ART3: variants seen among roughly 807,000 people sequenced by gnomAD.
ART3 encodes ADP-ribosyltransferase 3 (inactive).
Under a neutral mutation model 48.5 loss-of-function variants are expected in ART3, and 49 were observed. That is an observed-to-expected ratio of 1.01 (90% CI 0.80 to 1.28). ART3 has a LOEUF of 1.28. Among genes scored for constraint, ART3 ranks in the 50% most tolerant of loss-of-function variants. ART3 has a pLI of 0.00. For missense variants in ART3, 438 were observed against 454.3 expected, an observed-to-expected ratio of 0.96 and a Z score of 0.33; for synonymous variants, 145 against 157.2, an observed-to-expected ratio of 0.92 and a Z score of 0.58.
intron 1 of ART3, chr4:76,035,815 C>T: frequency 2.1e-6 from 2 of 932,784 alleles, no homozygotes; most frequent in South Asian, 1.6e-5. Context: ...AACTTCTAAT[C>T]TGTGAGATTA....
intron 1 of ART3, among the ~76,000 whole-genome samples, chr4:76,054,124 G>A (rs868561138): frequency 2.0e-5 from 3 of 152,182 alleles, no homozygotes; most frequent in Non-Finnish European, 1.5e-5. Context: ...TTAGTTTATT[G>A]CTTCTGCTAC....
intron 1 of ART3, among the ~76,000 whole-genome samples, chr4:76,051,576 A>G (rs1736090820): frequency 1.3e-5 from 2 of 152,168 alleles, no homozygotes; most frequent in African/African-American, 4.8e-5. Context: ...GACCTGCTCT[A>G]TCGCCCAGGC....
chr4:76,061,900 G>A (rs891681388), intron 1 of ART3, among the ~76,000 whole-genome samples: 1 of 152,232 alleles, frequency 6.6e-6, no homozygotes, highest in Non-Finnish European at 1.5e-5. Context: ...AATAAGAATT[G>A]TGAACCACTG....
chr4:76,040,560 C>A (rs1734884959), intron 1 of ART3, among the ~76,000 whole-genome samples: 1 of 125,070 alleles, frequency 8.0e-6, no homozygotes, highest in Non-Finnish European at 1.6e-5. Flanking sequence ...TATATAGATA[C>A]TTCAGAAGGA....
chr4:76,107,612 C>A, intron 10 of ART3, 149 bp from the exon 11 acceptor site: 1 of 481,428 alleles, frequency 2.1e-6, no homozygotes, highest in Non-Finnish European at 3.8e-6. Context: ...AACCCTTCCC[C>A]TAACCCCACA....
chr4:76,079,407 T>C (rs546267400), intron 2 of ART3, among the ~76,000 whole-genome samples: 1 of 152,330 alleles, frequency 6.6e-6, no homozygotes, highest in South Asian at 2.1e-4. Context: ...AGTTTCGTCT[T>C]AGACATGTTA....
chr4:76,103,040 C>T (rs914137281), intron 8 of ART3, among the ~76,000 whole-genome samples: 6 of 152,106 alleles, frequency 3.9e-5, no homozygotes, highest in African/African-American at 1.4e-4. Flanking sequence ...TCTGAGTTTT[C>T]TACTACAGAA....
In ART3 at chr4:76,043,897, C is replaced by T. The variant is rs191749894; in HGVS notation, c.-9-31984C>T. Among the ~76,000 whole-genome samples the T allele has an allele frequency of 2.0e-4, 31 of 152,064 alleles. No homozygotes were observed. In the East Asian group the frequency reaches 2.7e-3, roughly 13 times the overall value. ...CCCCAACTGCTGTTGGGAATTTGGC[C>T]GATGACCACTCTAGCTACTTCCTGC... On this transcript the variant is annotated intron_variant, in intron 1 of 9. Coordinates refer to the ART3 transcript ENST00000341029.
chr4:76,079,227 A>G (rs1004142315), intron 2 of ART3, among the ~76,000 whole-genome samples: 3 of 151,460 alleles, frequency 2.0e-5, no homozygotes, highest in Admixed American at 1.3e-4. Context: ...CTACCTCACA[A>G]GGTTGCCGAA....
At chr4:76,073,900 A>G (rs1312935500), upstream of ART3, among the ~76,000 whole-genome samples, 4 of 152,262 alleles carry the variant, frequency 2.6e-5, no homozygotes, top group African/African-American at 9.6e-5. Flanking sequence ...TCATTGCTAT[A>G]TAAAATTTCA....
intron 1 of ART3, among the ~76,000 whole-genome samples, chr4:76,014,574 A>AAT (rs1732091643): frequency 2.0e-5 from 3 of 152,228 alleles, no homozygotes; most frequent in Non-Finnish European, 4.4e-5. Flanking sequence ...CAAGTGGACC[A>AAT]ATATATGCTT....
intron 5 of ART3, 29 bp downstream of exon 5, chr4:76,099,016 T>A: frequency 6.3e-7 from 1 of 1,597,888 alleles, no homozygotes; most frequent in Non-Finnish European, 8.6e-7. Context: ...TTAAAAATAA[T>A]CTTGGTTGGG....
At chr4:76,103,088 C>A (rs755311844) in intron 8 of ART3, among the ~76,000 whole-genome samples, 12 of 151,802 alleles carry the variant, frequency 7.9e-5, no homozygotes, top group Non-Finnish European at 1.6e-4. Flanking sequence ...AAGCTGATGG[C>A]ATTTTTTTAC....
At chr4:76,085,037 G>C (rs1434362237) in intron 3 of ART3, among the ~76,000 whole-genome samples, 1 of 152,168 alleles carries the variant, frequency 6.6e-6, no homozygotes, top group Non-Finnish European at 1.5e-5. Context: ...GCTGTAATTT[G>C]GAAGCAAAAG....
chr4:76,059,177 A>G (rs1443935169), intron 1 of ART3, among the ~76,000 whole-genome samples: 2 of 97,658 alleles, frequency 2.0e-5, no homozygotes, highest in South Asian at 6.5e-4. Context: ...TTCACAATGT[A>G]TGGAGAAACC....
At chr4:76,023,554 T>C in intron 1 of ART3, 1 of 853,888 alleles carries the variant, frequency 1.2e-6, no homozygotes, top group East Asian at 2.5e-5. Flanking sequence ...CCCTCCCTAA[T>C]TCTGATTGGA....
chr4:76,037,535 A>G (rs4456983), intron 1 of ART3, among the ~76,000 whole-genome samples: 92,835 of 151,838 alleles, frequency 0.61, 29,455 homozygotes, highest in East Asian at 0.94. Context: ...TGGCACAATC[A>G]TAGCTCACTG....
intron 2 of ART3, among the ~76,000 whole-genome samples, chr4:76,080,340 A>G (rs1722182097): frequency 6.6e-6 from 1 of 152,128 alleles, no homozygotes. Context: ...AAAAAACCAC[A>G]TCACACTGGA....
intron 11 of ART3, among the ~76,000 whole-genome samples, chr4:76,108,236 G>A (rs1392624173): frequency 6.6e-6 from 1 of 152,002 alleles, no homozygotes; most frequent in African/African-American, 2.4e-5. Flanking sequence ...AAAGTAGACC[G>A]ATGTTTACAT....
Sources: gnomAD v4.1 joint callset for allele counts (sites outside exome capture counted in the v4.1 genomes callset) on GRCh38, gnomAD v4.1.1 for gene constraint, MANE v1.5 for transcripts, NCBI Gene and HGNC (gene_info 2026-07-23, HGNC 2026-07-21) for gene names.